The following CRISPLD2 variants were observed in gnomAD, a reference collection of about 807,000 sequenced individuals.
The protein encoded by CRISPLD2 is cysteine rich secretory protein LCCL domain containing 2.
A neutral mutation model predicts 71.1 loss-of-function variants in CRISPLD2; 47 were observed. The observed-to-expected ratio is 0.66, with a 90% confidence interval of 0.52 to 0.84. The LOEUF (loss-of-function observed/expected upper bound fraction) is 0.84. Among genes scored for constraint, CRISPLD2 ranks in the 40% least tolerant of loss-of-function variants. The pLI is 0.00. For synonymous variants in CRISPLD2, 317 were observed against 250.1 expected (o/e 1.27, Z -2.52); for missense variants, 830 against 651.1 (o/e 1.27, Z -2.99).
At position 84,836,659 on chromosome 16, in the gene CRISPLD2, C is replaced by T. The variant is rs77508795; in HGVS notation, c.-74-1763C>T. Among the ~76,000 whole-genome samples, 1,477 of 152,286 alleles carry T rather than the reference C, an allele frequency of 9.7e-3. 21 individuals are homozygous for T. The highest frequency in any genetic ancestry group is 0.033 in the East Asian group (170 of 5,178). ...CTCAGCCTCTGTCGCCTGTTGCCAACGTTTCTGCTTCCTGGGATGCCCGTC... is the reference window on the plus strand; with the variant it reads ...CTCAGCCTCTGTCGCCTGTTGCCAATGTTTCTGCTTCCTGGGATGCCCGTC... On this transcript the variant is annotated intron_variant, in intron 1 of 14. Transcript: ENST00000262424.
intron 1 of CRISPLD2, among the ~76,000 whole-genome samples, chr16:84,827,953 G>C (rs923458920): frequency 6.6e-6 from 1 of 152,000 alleles, no homozygotes; most frequent in Non-Finnish European, 1.5e-5. Context: ...GTTCATCTTC[G>C]CCATCCGTGT....
At chr16:84,823,516 AGGGAAGCCCTGGCATTT>A in intron 1 of CRISPLD2, among the ~76,000 whole-genome samples, 1 of 152,332 alleles carries the variant, frequency 6.6e-6, no homozygotes, top group Middle Eastern at 3.4e-3. Flanking sequence ...CCATGGGTGC[AGGGAAGCCCTGGCATTT>A]GGCATTTGTG....
At chr16:84,865,300 C>T (rs907077598) in intron 6 of CRISPLD2, among the ~76,000 whole-genome samples, 4 of 152,094 alleles carry the variant, frequency 2.6e-5, no homozygotes, top group Non-Finnish European at 4.4e-5. Context: ...GGACTACAGG[C>T]ACCCGCCATC....
chr16:84,887,383 C>T (rs373678937), intron 13 of CRISPLD2, among the ~76,000 whole-genome samples: 5 of 152,212 alleles, frequency 3.3e-5, no homozygotes, highest in Admixed American at 6.5e-5. Flanking sequence ...CTGACAGCCA[C>T]GGCCGTGACA....
rs770919401 is a variant in CRISPLD2, at chr16:84,868,903, G to A, written c.906G>A (p.Thr302=). The A allele has an allele frequency of 1.2e-6, 2 of 1,606,554 alleles. No homozygotes were observed. Among genetic ancestry groups the A allele is most frequent in the Non-Finnish European group, 1.7e-6 (2 of 1,176,784 alleles). ...TGAAGGACAGGTGCAAAGGGTCCAC[G>A]TGTAACAGGTGAGCCTGTGCTGGGC... ...TKMKDRCKGS[T]CNRYQCPAGC... The change falls in exon 8 of 15, where the codon ACG becomes ACA. Residue 302 remains threonine (T), a synonymous_variant. Transcript: ENST00000262424.
chr16:84,867,791 C>G lies in CRISPLD2; in HGVS notation c.853+751C>G, dbSNP rs555462484. On this transcript the variant is annotated intron_variant, in intron 7 of 14. Coordinates refer to ENST00000262424, the MANE Select transcript of CRISPLD2 (RefSeq NM_031476.4). ...TTCCCCCTGGGACTTCCAGGAATCCCCAAAATATTGACTCTTCCCCTGCTC... is the reference window on the plus strand; with the variant it reads ...TTCCCCCTGGGACTTCCAGGAATCCGCAAAATATTGACTCTTCCCCTGCTC... Among the ~76,000 whole-genome samples, 9 of 152,248 alleles carry G rather than the reference C, an allele frequency of 5.9e-5. No individual in the cohort carries two copies. The South Asian group carries it at 1.9e-3, about 32-fold the overall frequency.
At chr16:84,830,845 G>C (rs1916470702) in intron 1 of CRISPLD2, among the ~76,000 whole-genome samples, 1 of 152,206 alleles carries the variant, frequency 6.6e-6, no homozygotes, top group Non-Finnish European at 1.5e-5. Flanking sequence ...TGATGGAAAG[G>C]CTGCGTGACC....
intron 1 of CRISPLD2, among the ~76,000 whole-genome samples, chr16:84,830,062 C>T: frequency 6.6e-6 from 1 of 152,238 alleles, no homozygotes; most frequent in East Asian, 1.9e-4. Flanking sequence ...GTGGCTCACA[C>T]CTGTAATCCC....
At position 84,854,765 on chromosome 16, in the gene CRISPLD2, C is replaced by T. The variant is rs965904093; in HGVS notation, c.645C>T (p.Gly215=). 2 of 1,614,022 alleles carry T rather than the reference C, an allele frequency of 1.2e-6. No homozygotes were observed. The highest frequency in any genetic ancestry group is 1.3e-5 in the African/African-American group (1 of 74,912). ...TTGGAGAAGCCCCCTACAAGAATGGCCGGCCCTGCTCTGAGTGCCCACCCA... is the reference window on the plus strand; with the variant it reads ...TTGGAGAAGCCCCCTACAAGAATGGTCGGCCCTGCTCTGAGTGCCCACCCA... ...NWIGEAPYKN[G]RPCSECPPSY... The change falls in exon 6 of 15, where the codon GGC becomes GGT. Residue 215 remains glycine (G), a synonymous_variant. Coordinates refer to ENST00000262424, the MANE Select transcript of CRISPLD2 (RefSeq NM_031476.4).
At chr16:84,875,718 A>G (rs189403196) in intron 11 of CRISPLD2, among the ~76,000 whole-genome samples, 7,953 of 136,840 alleles carry the variant, frequency 0.058, 718 homozygotes, top group African/African-American at 0.21. Context: ...CACCATGTCC[A>G]GCTAATTTTT....
intron 13 of CRISPLD2, among the ~76,000 whole-genome samples, chr16:84,884,978 C>G (rs577046222): frequency 6.6e-6 from 1 of 152,198 alleles, no homozygotes; most frequent in Non-Finnish European, 1.5e-5. Flanking sequence ...GGGCCTTGCT[C>G]CTGGTACTGC....
intron 14 of CRISPLD2, among the ~76,000 whole-genome samples, chr16:84,898,325 C>T (rs111260937): frequency 3.2e-4 from 48 of 152,286 alleles, no homozygotes; most frequent in African/African-American, 1.2e-3. Flanking sequence ...ATCAAATCCG[C>T]CCCACTCCCA....
At chr16:84,831,042 G>C (rs145728230) in intron 1 of CRISPLD2, among the ~76,000 whole-genome samples, 194 of 152,266 alleles carry the variant, frequency 1.3e-3, no homozygotes, top group African/African-American at 4.4e-3. Context: ...CCACTGTTCC[G>C]GCCCTTGAGA....
intron 9 of CRISPLD2, 50 bp downstream of exon 9, chr16:84,872,558 A>T (rs1256663219): frequency 6.7e-7 from 1 of 1,488,866 alleles, no homozygotes; most frequent in South Asian, 1.2e-5. Context: ...ATCCTGTTGC[A>T]TATGTTTAAA....
chr16:84,886,192 T>C (rs147853554), intron 13 of CRISPLD2, among the ~76,000 whole-genome samples: 1 of 152,010 alleles, frequency 6.6e-6, no homozygotes, highest in Non-Finnish European at 1.5e-5. Flanking sequence ...GCCGGCCAAA[T>C]TGGTATTTTC....
chr16:84,904,017 A>G (rs567531027), intron 14 of CRISPLD2, among the ~76,000 whole-genome samples: 1 of 152,224 alleles, frequency 6.6e-6, no homozygotes, highest in Admixed American at 6.5e-5. Flanking sequence ...TGTCAGGAAC[A>G]GTATCAAACC....
intron 14 of CRISPLD2, among the ~76,000 whole-genome samples, chr16:84,893,393 C>G (rs977413946): frequency 2.0e-5 from 3 of 152,206 alleles, no homozygotes; most frequent in Non-Finnish European, 2.9e-5. Context: ...GCCTACATGA[C>G]TTATCTCTCA....
intron 13 of CRISPLD2, among the ~76,000 whole-genome samples, chr16:84,883,739 T>C (rs1302784492): frequency 6.6e-6 from 1 of 152,196 alleles, no homozygotes; most frequent in African/African-American, 2.4e-5. Flanking sequence ...AATTTTCTAT[T>C]GTGGTGGTGA....
At position 84,838,753 on chromosome 16, in the gene CRISPLD2, C is replaced by T. The variant is rs750105942; in HGVS notation, c.240+18C>T. On this transcript the variant is annotated intron_variant, in intron 2 of 14. Coordinates refer to ENST00000262424, the MANE Select transcript of CRISPLD2 (RefSeq NM_031476.4). ...AGTACATGGTGAGCGCCGGCTCCGG[C>T]CGCAGAGGCTGGCACCGGGGGTGGG... The T allele has an allele frequency of 6.2e-7, 1 of 1,605,394 alleles. No homozygotes were observed. Among genetic ancestry groups the T allele is most frequent in the South Asian group, 1.1e-5 (1 of 90,586 alleles).
Sources: gnomAD v4.1 joint callset for allele counts (sites outside exome capture counted in the v4.1 genomes callset) on GRCh38, gnomAD v4.1.1 for gene constraint, MANE v1.5 for transcripts, NCBI Gene and HGNC (gene_info 2026-07-23, HGNC 2026-07-21) for gene names.